The following COL4A1 variants were observed in gnomAD, a reference collection of about 807,000 sequenced individuals.
COL4A1 encodes the protein collagen alpha-1(IV) chain.
COL4A1 carries 40 observed loss-of-function variants against 216.6 expected under a neutral mutation model. That is an observed-to-expected ratio of 0.18 (90% CI 0.14 to 0.24). The LOEUF (loss-of-function observed/expected upper bound fraction) is 0.24, where lower values mean the gene tolerates loss of function less well. Among genes scored for constraint, COL4A1 ranks in the 10% least tolerant of loss-of-function variants. The pLI, the probability that COL4A1 is intolerant of heterozygous loss-of-function variation, is 1.00. For missense variants in COL4A1, 1,628 were observed against 2,196.8 expected, an observed-to-expected ratio of 0.74 and a Z score of 5.18; for synonymous variants, 839 against 810.7, an observed-to-expected ratio of 1.03 and a Z score of -0.59.
At chr13:110,252,640 T>C (rs1566416320) in intron 1 of COL4A1, among the ~76,000 whole-genome samples, 7 of 1,288 alleles carry the variant, frequency 5.4e-3, no homozygotes, top group Non-Finnish European at 0.054. Context: ...TTATATATAC[T>C]TATATACAAA....
chr13:110,191,364 A>G, intron 24 of COL4A1: 1 of 279,888 alleles, frequency 3.6e-6, no homozygotes, highest in Non-Finnish European at 6.6e-6. Context: ...ACAAAAAGAA[A>G]AAAAGGAATG....
intron 2 of COL4A1, among the ~76,000 whole-genome samples, chr13:110,240,936 C>T (rs1881537962): frequency 6.6e-6 from 1 of 152,194 alleles, no homozygotes; most frequent in East Asian, 1.9e-4. Context: ...ATGGTGTGTT[C>T]TTGGCTCACT....
At chr13:110,217,572 T>C (rs558644828) in intron 2 of COL4A1, among the ~76,000 whole-genome samples, 10 of 152,272 alleles carry the variant, frequency 6.6e-5, no homozygotes, top group African/African-American at 2.4e-4. Context: ...CTATTTAAAA[T>C]GGAAGAAAGA....
rs780477509 is a variant in COL4A1, at chr13:110,176,658, T to G, written c.2936A>C (p.Lys979Thr). The G allele has an allele frequency of 6.2e-7, 1 of 1,614,182 alleles. No homozygotes were observed. The highest frequency in any genetic ancestry group is 1.1e-5 in the South Asian group (1 of 91,082). The stretch of plus-strand genomic sequence containing the variant: ...CCCAGGCTGTCCTGCCTGCCCGTCC[T>G]TTCCAGGCACTCCTGGGGTCCCAGG... ...GDPGTPGVPG[K>T]DGQAGQPGQP... Residue 979 changes from lysine to threonine, a missense_variant, in exon 35 of 52, where the codon AAG (lysine) becomes ACG (threonine). Physicochemically the swap from Lys to Thr is moderately conservative, Grantham distance 78. Around this residue, in one of 8 missense-constraint regions of COL4A1, gnomAD observed 58 missense variants for 132.5 expected, o/e 0.44. Transcript: ENST00000375820.
Position 110,174,746 on chromosome 13 carries a change from C to T in COL4A1, c.3202G>A (p.Asp1068Asn), listed in dbSNP as rs1340409061. The change falls in exon 38 of 52, where the codon GAT becomes AAT. Residue 1068 changes from aspartate to asparagine, a missense_variant. This residue lies in a region of COL4A1 where 345 missense variants were observed against 476.9 expected (regional missense o/e 0.72). Coordinates refer to ENST00000375820, the MANE Select transcript of COL4A1 (RefSeq NM_001845.6). The stretch of plus-strand genomic sequence containing the variant: ...CCTGGGAAACCCGCTATCCCTTGAT[C>T]TCCCTGCAAGTAAAAGTCAGGCATA... ...GIPGLRGEKG[D>N]QGIAGFPGSP... 5 of 1,613,376 alleles carry T rather than the reference C, an allele frequency of 3.1e-6. No individual in the cohort carries two copies. In the South Asian group the frequency reaches 3.3e-5, roughly 11 times the overall value.
At chr13:110,301,886 G>A in intron 1 of COL4A1, among the ~76,000 whole-genome samples, 1 of 152,226 alleles carries the variant, frequency 6.6e-6, no homozygotes, top group East Asian at 1.9e-4. Context: ...CAAAAAGAGG[G>A]GGAACCCCAG....
chr13:110,256,590 G>A (rs1882580504), intron 1 of COL4A1, among the ~76,000 whole-genome samples: 1 of 152,206 alleles, frequency 6.6e-6, no homozygotes, highest in African/African-American at 2.4e-5. Context: ...ATGAGAACGT[G>A]CACAGGGAGT....
chr13:110,167,964 T>C (rs1237141263), intron 43 of COL4A1, among the ~76,000 whole-genome samples: 1 of 152,142 alleles, frequency 6.6e-6, no homozygotes, highest in African/African-American at 2.4e-5. Context: ...TACATAAGTA[T>C]GTATACAGAG....
intron 49 of COL4A1, among the ~76,000 whole-genome samples, chr13:110,157,929 CT>C (rs145044452): frequency 0.03 from 4,511 of 152,218 alleles, 199 homozygotes; most frequent in African/African-American, 0.1. Flanking sequence ...GCCAGAGCTC[CT>C]GTCAAGGAGC....
At chr13:110,183,988 C>T (rs1275494393) in intron 26 of COL4A1, among the ~76,000 whole-genome samples, 1 of 152,182 alleles carries the variant, frequency 6.6e-6, no homozygotes, top group Non-Finnish European at 1.5e-5. Flanking sequence ...TGGGGCCTCC[C>T]TAGAACAGCC....
chr13:110,215,017 AG>A (rs1466410178), intron 2 of COL4A1, among the ~76,000 whole-genome samples: 1 of 152,214 alleles, frequency 6.6e-6, no homozygotes, highest in Non-Finnish European at 1.5e-5. Context: ...GGGTAAATAG[AG>A]TAACAAATAG....
At chr13:110,212,776 A>C (rs887865468) in intron 4 of COL4A1, among the ~76,000 whole-genome samples, 158 bp from the exon 5 acceptor site, 1 of 152,184 alleles carries the variant, frequency 6.6e-6, no homozygotes, top group Non-Finnish European at 1.5e-5. Flanking sequence ...CAGAGGGCAC[A>C]GCCTAGGGCA....
chr13:110,270,132 T>A (rs1037250000), intron 1 of COL4A1, among the ~76,000 whole-genome samples: 3 of 152,190 alleles, frequency 2.0e-5, no homozygotes, highest in African/African-American at 7.2e-5. Flanking sequence ...GCAGATCACC[T>A]GGCAAGACTG....
intron 21 of COL4A1, among the ~76,000 whole-genome samples, chr13:110,196,841 A>C (rs1007611350): frequency 6.6e-6 from 1 of 152,258 alleles, no homozygotes; most frequent in Non-Finnish European, 1.5e-5. Flanking sequence ...TGCTCTATCG[A>C]TAAGTCCTGA....
At chr13:110,245,152 T>A (rs1881739872) in intron 1 of COL4A1, among the ~76,000 whole-genome samples, 1 of 151,944 alleles carries the variant, frequency 6.6e-6, no homozygotes, top group South Asian at 2.1e-4. Context: ...GATCACAGAG[T>A]AGCCAGGGAA....
At chr13:110,223,534 AT>A (rs1199188228) in intron 2 of COL4A1, among the ~76,000 whole-genome samples, 2 of 152,180 alleles carry the variant, frequency 1.3e-5, no homozygotes, top group African/African-American at 4.8e-5. Context: ...TCAAATATAT[AT>A]TTTTAAAAAC....
chr13:110,206,776 T>C, intron 14 of COL4A1, 61 bp from the exon 15 acceptor site: 2 of 1,607,988 alleles, frequency 1.2e-6, no homozygotes, highest in Non-Finnish European at 1.7e-6. Context: ...TTAAATTAGA[T>C]AGATATTAAA....
chr13:110,201,319 GGGAGGA>G, intron 19 of COL4A1, 113 bp downstream of exon 19: 2 of 667,372 alleles, frequency 3.0e-6, no homozygotes. Flanking sequence ...GAGAAGGAGG[GGGAGGA>G]GGAAGGAGGA....
intron 1 of COL4A1, among the ~76,000 whole-genome samples, chr13:110,291,362 C>T (rs991801338): frequency 6.6e-6 from 1 of 152,340 alleles, no homozygotes; most frequent in Admixed American, 6.5e-5. Context: ...GGAGCTTTAA[C>T]CATGCCATCT....
Sources: allele counts gnomAD v4.1 joint callset (sites outside exome capture counted in the v4.1 genomes callset), GRCh38; gene constraint gnomAD v4.1.1; regional missense constraint gnomAD v4.1.1; transcripts MANE v1.5; gene names NCBI Gene and HGNC (gene_info 2026-07-23, HGNC 2026-07-21).